SPTLC3: variants seen among roughly 807,000 people sequenced by gnomAD.
SPTLC3 encodes serine palmitoyltransferase long chain base subunit 3, also known as serine palmitoyltransferase 3.
Under a neutral mutation model 59.3 loss-of-function variants are expected in SPTLC3, and 36 were observed. That is an observed-to-expected ratio of 0.61 (90% confidence interval 0.47 to 0.80). The LOEUF (loss-of-function observed/expected upper bound fraction) is 0.80, where lower values mean the gene tolerates loss of function less well. Among genes scored for constraint, SPTLC3 ranks in the 30% least tolerant of loss-of-function variants. The pLI, the probability that SPTLC3 is intolerant of heterozygous loss-of-function variation, is 0.00. For missense variants in SPTLC3, 625 were observed against 685.1 expected, an observed-to-expected ratio of 0.91 and a Z score of 0.98; for synonymous variants, 257 against 240.8, an observed-to-expected ratio of 1.07 and a Z score of -0.62.
chr20:13,115,143 T>C (rs1990462968), intron 7 of SPTLC3, among the ~76,000 whole-genome samples: 1 of 152,230 alleles, frequency 6.6e-6, no homozygotes, highest in African/African-American at 2.4e-5. Flanking sequence ...GGCACTGTTT[T>C]TTGACAGCAA....
chr20:13,105,256 C>A (rs1179988980), intron 6 of SPTLC3, among the ~76,000 whole-genome samples: 1 of 142,384 alleles, frequency 7.0e-6, no homozygotes, highest in African/African-American at 2.8e-5. Context: ...AGAGTTCATC[C>A]CCTGCAGGAG....
At chr20:13,093,006 A>G (rs765713003) in intron 5 of SPTLC3, among the ~76,000 whole-genome samples, 1 of 152,224 alleles carries the variant, frequency 6.6e-6, no homozygotes, top group Non-Finnish European at 1.5e-5. Flanking sequence ...AAGTTTTTGC[A>G]TACATGGGAT....
At chr20:13,040,777 T>G (rs1350962286) in intron 1 of SPTLC3, among the ~76,000 whole-genome samples, 2 of 152,102 alleles carry the variant, frequency 1.3e-5, no homozygotes, top group African/African-American at 4.8e-5. Flanking sequence ...GTGGGTCTGC[T>G]ATTAACAGAT....
At chr20:13,038,793 C>T (rs1986848782) in intron 1 of SPTLC3, among the ~76,000 whole-genome samples, 1 of 151,990 alleles carries the variant, frequency 6.6e-6, no homozygotes, top group East Asian at 1.9e-4. Context: ...TATAAATGTC[C>T]TGTTAAGCAC....
intron 2 of SPTLC3, among the ~76,000 whole-genome samples, chr20:13,054,852 G>A (rs1987651358): frequency 6.6e-6 from 1 of 152,082 alleles, no homozygotes. Context: ...ATCTTCCAGG[G>A]TAAGTTCATG....
In SPTLC3 at chr20:13,140,168, C is replaced by T. The variant is rs970528181; in HGVS notation, c.1279+13451C>T. On this transcript the variant is annotated intron_variant, in intron 9 of 11. Coordinates refer to ENST00000399002, the MANE Select transcript of SPTLC3 (RefSeq NM_018327.4). ...TGTATATTTTGGAAATAGTAGCATA[C>T]AGACATTAAGGACTTTTTTTCTTTG... is the stretch of plus-strand genomic sequence containing the variant. 2.6e-5 allele frequency among the ~76,000 whole-genome samples: 4 copies of T among 152,150 alleles called. No homozygotes were observed. In the East Asian group the frequency reaches 5.8e-4, roughly 22 times the overall value.
rs559145811 is a variant in SPTLC3 at position 13,009,209 on chromosome 20, C to T, written c.-59C>T. ...ATCCCATCCCCTCGCAGACTGAAAA[C>T]TAAAGCCTGCAGAGACCTCTGAAGG... On this transcript the variant is annotated 5_prime_UTR_variant, in exon 1 of 12. Coordinates refer to ENST00000399002, the MANE Select transcript of SPTLC3 (RefSeq NM_018327.4). The T allele has an allele frequency of 3.3e-5, 47 of 1,422,256 alleles. No individual in the cohort carries two copies. The highest frequency in any genetic ancestry group is 4.3e-5 in the Non-Finnish European group (44 of 1,013,722). 88.1% of individuals were successfully genotyped at this position (1,422,256 alleles called of 1,614,324 possible).
rs751313015 is a variant in SPTLC3 at position 13,166,362 on chromosome 20, T to G, written c.*1495T>G. The G allele has an allele frequency of 3.3e-5, 5 of 152,450 alleles. No individual in the cohort carries two copies. Among genetic ancestry groups the G allele is most frequent in the Admixed American group, 6.5e-5 (1 of 15,276 alleles). The allele number at this position is 152,450 out of a possible 1,614,324, so 9.4% of individuals were successfully genotyped here. A position where few individuals can be genotyped will look rare whatever the true frequency, so the allele number is the denominator to read the frequency against. On this transcript the variant is annotated 3_prime_UTR_variant, in exon 12 of 12. Transcript: ENST00000399002. ...AAAAAAGTGATCAGCATGGAAAGTT[T>G]TTATGGGGAAATTATAACTCCAAGT... is the stretch of plus-strand genomic sequence containing the variant.
chr20:13,049,347 C>T lies in SPTLC3; in HGVS notation c.303+217C>T, dbSNP rs149708648. On this transcript the variant is annotated intron_variant, in intron 2 of 11. Transcript: ENST00000399002. ...ATGGGCAACTACTATTTGCCACATA[C>T]CAAACTAAGGCTTTTCCCATACCTT... The T allele has an allele frequency of 2.1e-4, 111 of 516,418 alleles. 2 individuals are homozygous for T. The East Asian group carries it at 3.9e-3, about 18-fold the overall frequency. 32.0% of individuals were successfully genotyped at this position (516,418 alleles called of 1,614,324 possible). A position where few individuals can be genotyped will look rare whatever the true frequency, so the allele number is the denominator to read the frequency against.
chr20:13,009,540 C>T (rs1985120376), intron 1 of SPTLC3, among the ~76,000 whole-genome samples, 156 bp downstream of exon 1: 1 of 152,122 alleles, frequency 6.6e-6, no homozygotes, highest in South Asian at 2.1e-4. Context: ...TGCTTGGCTA[C>T]CAAAAAGTTT....
At chr20:13,159,154 G>C (rs1331312793) in intron 10 of SPTLC3, among the ~76,000 whole-genome samples, 2 of 152,188 alleles carry the variant, frequency 1.3e-5, no homozygotes, top group South Asian at 4.1e-4. Context: ...TTGTTACAGA[G>C]ATTAGCTCTG....
chr20:13,127,335 CAT>C (rs1260214786), intron 9 of SPTLC3, among the ~76,000 whole-genome samples: 1 of 152,222 alleles, frequency 6.6e-6, no homozygotes, highest in Non-Finnish European at 1.5e-5. Flanking sequence ...GATTCTACCA[CAT>C]GTCACACACC....
intron 4 of SPTLC3, 100 bp from the exon 5 acceptor site, chr20:13,090,983 G>A (rs1336015940): frequency 1.3e-6 from 2 of 1,505,238 alleles, no homozygotes; most frequent in Non-Finnish European, 1.8e-6. Context: ...AAGCACTCTT[G>A]TATAGGTCTT....
At chr20:13,089,284 C>T (rs1315479621) in intron 4 of SPTLC3, among the ~76,000 whole-genome samples, 5 of 152,190 alleles carry the variant, frequency 3.3e-5, no homozygotes, top group Admixed American at 1.3e-4. Flanking sequence ...GTGCAAATTA[C>T]AGCATCTCTC....
At position 13,093,113 on chromosome 20, in the gene SPTLC3, A is replaced by G. The variant is rs187708463; in HGVS notation, c.733-371A>G. ...AGGAAGAATAACTAAAACTGTTCCA[A>G]ATAATCTCTCATGGAAGTGCCCCTA... On this transcript the variant is annotated intron_variant, in intron 5 of 11. Coordinates refer to ENST00000399002, the MANE Select transcript of SPTLC3 (RefSeq NM_018327.4). Among the ~76,000 whole-genome samples, 99 of 152,304 alleles carry G rather than the reference A, an allele frequency of 6.5e-4. 1 individual carries two copies. The highest frequency in any genetic ancestry group is 2.4e-3 in the African/African-American group (98 of 41,560).
At chr20:13,022,671 C>T (rs1028621208) in intron 1 of SPTLC3, among the ~76,000 whole-genome samples, 4 of 152,160 alleles carry the variant, frequency 2.6e-5, no homozygotes, top group Non-Finnish European at 5.9e-5. Flanking sequence ...CCACCAGGTT[C>T]AAGGGGAGGA....
intron 2 of SPTLC3, among the ~76,000 whole-genome samples, chr20:13,063,299 A>G (rs570345831): frequency 1.2e-4 from 18 of 152,204 alleles, no homozygotes; most frequent in Non-Finnish European, 1.6e-4. Context: ...GAGGAACTCT[A>G]TGTGCTCTTA....
intron 8 of SPTLC3, among the ~76,000 whole-genome samples, chr20:13,123,203 C>T (rs1181481852): frequency 7.2e-5 from 11 of 151,992 alleles, no homozygotes; most frequent in South Asian, 2.1e-4. Flanking sequence ...TGGTGGCACA[C>T]GCCTGTATTC....
chr20:13,101,771 T>C (rs1010051714), intron 6 of SPTLC3, among the ~76,000 whole-genome samples: 5 of 152,110 alleles, frequency 3.3e-5, no homozygotes, highest in African/African-American at 7.2e-5. Context: ...AGACTCTGAG[T>C]GAGCAGGTCT....
Sources: gnomAD v4.1 joint callset for allele counts (sites outside exome capture counted in the v4.1 genomes callset) on GRCh38, gnomAD v4.1.1 for gene constraint, MANE v1.5 for transcripts, NCBI Gene and HGNC (gene_info 2026-07-23, HGNC 2026-07-21) for gene names.